The following PCDHA7 variants were observed in gnomAD, a reference collection of about 807,000 sequenced individuals.
The protein encoded by PCDHA7 is protocadherin alpha-7.
Under a neutral mutation model 57.2 loss-of-function variants are expected in PCDHA7, and 37 were observed. The observed-to-expected ratio is 0.65, with a 90% CI of 0.50 to 0.85. The LOEUF (loss-of-function observed/expected upper bound fraction) is 0.85, where lower values mean the gene tolerates loss of function less well. PCDHA7 is among the 40% of genes least tolerant of loss of function. The pLI is 0.00. For synonymous variants in PCDHA7, 553 were observed against 558.8 expected (o/e 0.99, Z 0.15); for missense variants, 1,188 against 1,241.8 (o/e 0.96, Z 0.65).
At chr5:140,883,623 C>T (rs782045250) in intron 1 of PCDHA7, 3 of 1,613,988 alleles carry the variant, frequency 1.9e-6, no homozygotes, top group East Asian at 4.5e-5. Context: ...AACGACAACG[C>T]GCCGGCGTTC....
In PCDHA7 at chr5:140,883,265, C is replaced by G. The variant is rs782741439; in HGVS notation, c.2355+46527C>G. 4.5e-5 allele frequency: 73 copies of G among 1,613,790 alleles called. No homozygotes were observed. The highest frequency in any genetic ancestry group is 6.0e-5 in the Non-Finnish European group (71 of 1,179,996). ...CAAAGGAAATATTCCAATGGCGGGTCATTGTACCCTTTTGGTGGAAGTACT... is the reference window on the plus strand; with the variant it reads ...CAAAGGAAATATTCCAATGGCGGGTGATTGTACCCTTTTGGTGGAAGTACT... On this transcript the variant is annotated intron_variant, in intron 1 of 3. Transcript: ENST00000525929.
At chr5:140,935,673 A>T (rs1462991962) in intron 1 of PCDHA7, among the ~76,000 whole-genome samples, 1 of 152,180 alleles carries the variant, frequency 6.6e-6, no homozygotes, top group Non-Finnish European at 1.5e-5. Flanking sequence ...AATTATGTGA[A>T]ATATTTACAT....
chr5:140,925,151 T>G (rs1378736882), intron 1 of PCDHA7, among the ~76,000 whole-genome samples: 3 of 151,748 alleles, frequency 2.0e-5, no homozygotes, highest in African/African-American at 7.3e-5. Context: ...ACACAAAAGT[T>G]GAGAGAATTG....
intron 1 of PCDHA7, chr5:140,869,209 T>C (rs782345986): frequency 1.2e-6 from 2 of 1,613,950 alleles, no homozygotes; most frequent in South Asian, 2.2e-5. Flanking sequence ...CTACTCCGTC[T>C]CGGAGGAGGC....
rs782621350 is a variant in PCDHA7 at position 140,876,591 on chromosome 5, C to T, written c.2355+39853C>T. ...TGGGTACCGTCATTGCCCTGATTAG[C>T]GTGTCGGATCGTGACTCTGGAGCCA... On this transcript the variant is annotated intron_variant, in intron 1 of 3. Transcript: ENST00000525929. 9.5e-5 allele frequency: 153 copies of T among 1,614,058 alleles called. 1 individual carries two copies. The highest frequency in any genetic ancestry group is 8.2e-4 in the Middle Eastern group (5 of 6,082).
At chr5:140,870,524 TCA>T (rs782755570) in intron 1 of PCDHA7, 1 of 1,614,194 alleles carries the variant, frequency 6.2e-7, no homozygotes, top group Non-Finnish European at 8.5e-7. Context: ...TGCCACATCT[TCA>T]CAGTGTCGGC....
rs2150267656 is a variant in PCDHA7, at chr5:140,836,679, A to G, written c.2296A>G (p.Lys766Glu). Residue 766 changes from lysine to glutamate, a missense_variant, in exon 1 of 4, where the codon AAG becomes GAG. By Grantham distance (56) the Lys-to-Glu change is moderately conservative. Coordinates refer to ENST00000525929, the MANE Select transcript of PCDHA7 (RefSeq NM_018910.3). Reference sequence around the variant, plus strand: ...GGTGTGCTCTGGGGAGGGCCCACCCAAGACAGACCTCATGGCCTTCAGTCC... The same window carrying G: ...GGTGTGCTCTGGGGAGGGCCCACCCGAGACAGACCTCATGGCCTTCAGTCC... ...QRVCSGEGPP[K>E]TDLMAFSPSL... The G allele has an allele frequency of 1.9e-6, 3 of 1,613,334 alleles. No homozygotes were observed. The highest frequency in any genetic ancestry group is 4.5e-5 in the East Asian group (2 of 44,872).
rs1480987765 is a variant in PCDHA7, at chr5:140,836,018, G to A, written c.1635G>A (p.Leu545=). 2 of 1,613,364 alleles carry A rather than the reference G, an allele frequency of 1.2e-6. No homozygotes were observed. Among genetic ancestry groups the A allele is most frequent in the Non-Finnish European group, 1.7e-6 (2 of 1,179,748 alleles). The change falls in exon 1 of 4, where the codon CTG becomes CTA. Residue 545 remains leucine (L), a synonymous_variant. Transcript: ENST00000525929. ...CGCGCGATGCGGGCGTGCCGCCTCTGGGCAGCAACGTGACGCTGCAGGTGT... is the reference window on the plus strand; with the variant it reads ...CGCGCGATGCGGGCGTGCCGCCTCTAGGCAGCAACGTGACGCTGCAGGTGT... ...VSARDAGVPP[L]GSNVTLQVFV...
At chr5:140,882,931 G>A in intron 1 of PCDHA7, 1 of 1,614,206 alleles carries the variant, frequency 6.2e-7, no homozygotes. Context: ...GTAAACCCGA[G>A]CTGACTGGCA....
rs959323631 is a variant in PCDHA7 at position 140,967,718 on chromosome 5, C to A, written c.2356-11231C>A. The A allele has an allele frequency of 8.7e-6, 14 of 1,614,106 alleles. 1 individual carries two copies. The South Asian group carries it at 1.5e-4, about 18-fold the overall frequency. ...CATAGATGCCAGTACCGGGGAAGTG[C>A]GAGTAATTGGGGGGCTGGATTATGA... On this transcript the variant is annotated intron_variant, in intron 1 of 3. Transcript: ENST00000525929.
chr5:140,886,730 G>A (rs2061105749), intron 1 of PCDHA7, among the ~76,000 whole-genome samples: 1 of 150,962 alleles, frequency 6.6e-6, no homozygotes, highest in Non-Finnish European at 1.5e-5. Flanking sequence ...GGAGGCTGAA[G>A]CAAGAGAATT....
chr5:140,990,852 A>T (rs1265916406), intron 3 of PCDHA7, among the ~76,000 whole-genome samples: 2 of 152,198 alleles, frequency 1.3e-5, no homozygotes, highest in Non-Finnish European at 1.5e-5. Context: ...TAGAGCCCTG[A>T]GGACATTGTA....
At chr5:140,857,146 C>T (rs1554149571) in intron 1 of PCDHA7, 3 of 1,598,132 alleles carry the variant, frequency 1.9e-6, no homozygotes, top group East Asian at 2.2e-5. Flanking sequence ...AAGTGGGCAC[C>T]GTCATTGCCC....
intron 1 of PCDHA7, among the ~76,000 whole-genome samples, chr5:140,907,316 A>G (rs2073307783): frequency 6.6e-6 from 1 of 152,194 alleles, no homozygotes; most frequent in African/African-American, 2.4e-5. Flanking sequence ...GAACATGTAA[A>G]GACCAGTGAA....
At chr5:140,894,717 A>G (rs1349709964) in intron 1 of PCDHA7, among the ~76,000 whole-genome samples, 1 of 151,920 alleles carries the variant, frequency 6.6e-6, no homozygotes, top group Non-Finnish European at 1.5e-5. Flanking sequence ...GTTGTTTTCA[A>G]ATATTACGTA....
intron 1 of PCDHA7, among the ~76,000 whole-genome samples, chr5:140,912,042 A>G (rs782622902): frequency 6.6e-6 from 1 of 152,216 alleles, no homozygotes; most frequent in African/African-American, 2.4e-5. Flanking sequence ...CCAAGTCCCA[A>G]AGCTGAAGAA....
chr5:140,836,236 C>A lies in PCDHA7; in HGVS notation c.1853C>A (p.Ala618Glu), dbSNP rs2150256110. Residue 618 changes from alanine (A) to glutamate (E), a missense_variant, in exon 1 of 4, where the codon GCG becomes GAG. Coordinates refer to ENST00000525929, the MANE Select transcript of PCDHA7 (RefSeq NM_018910.3). ...SYELQPVAAG[A>E]SIPFRVGLYT... ...GAGTTGCAACCGGTGGCGGCCGGTG[C>A]GAGCATCCCGTTCCGCGTGGGGCTG... 5 of 1,613,676 alleles carry A rather than the reference C, an allele frequency of 3.1e-6. No individual in the cohort carries two copies. The East Asian group carries it at 6.7e-5, about 22-fold the overall frequency.
intron 1 of PCDHA7, chr5:140,850,651 C>T (rs2150492277): frequency 1.9e-6 from 3 of 1,598,626 alleles, no homozygotes; most frequent in Admixed American, 1.7e-5. Flanking sequence ...CTGCTGTACA[C>T]TGTGCTGCGG....
rs2150225607 is a variant in PCDHA7 at position 140,834,757 on chromosome 5, A to T, written c.374A>T (p.Asp125Val). 6 of 1,614,016 alleles carry T rather than the reference A, an allele frequency of 3.7e-6. No individual in the cohort carries two copies. The African/African-American group carries it at 6.7e-5, about 18-fold the overall frequency. Residue 125 changes from aspartate to valine, a missense_variant, in exon 1 of 4, where the codon GAC (aspartate) becomes GTC (valine). This residue lies in a region of PCDHA7 where 194 missense variants were observed against 185.8 expected (regional missense o/e 1.04). Coordinates refer to ENST00000525929, the MANE Select transcript of PCDHA7 (RefSeq NM_018910.3). ...TTCCATGTGGACGTGGAGGTGAAGG[A>T]CATTAACGACAACCCTCCGGTGTTC... ...QVFHVDVEVK[D>V]INDNPPVFPA...
Sources: allele counts gnomAD v4.1 joint callset (sites outside exome capture counted in the v4.1 genomes callset), GRCh38; gene constraint gnomAD v4.1.1; regional missense constraint gnomAD v4.1.1; transcripts MANE v1.5; gene names NCBI Gene and HGNC (gene_info 2026-07-23, HGNC 2026-07-21).